The following CCDC88C variants were observed in gnomAD, a reference collection of about 807,000 sequenced individuals.
The protein encoded by CCDC88C is coiled-coil and HOOK domain protein 88C, also known as protein Daple.
In CCDC88C, 131 loss-of-function variants were observed where a neutral mutation model predicts 198.8. The ratio of observed to expected loss-of-function variants is 0.66; its 90% CI spans 0.57 to 0.76. CCDC88C has a LOEUF of 0.76. CCDC88C is among the 30% of genes least tolerant of loss of function. The probability of loss-of-function intolerance (pLI) is 0.00; values close to 1 mark genes in which losing one functional copy is unlikely to be tolerated. For missense variants in CCDC88C, 2,553 were observed against 2,631.6 expected, an observed-to-expected ratio of 0.97 and a Z score of 0.65; for synonymous variants, 1,166 against 1,114.7, an observed-to-expected ratio of 1.05 and a Z score of -0.92.
At position 91,278,253 on chromosome 14, in the gene CCDC88C, G is replaced by C. The variant is rs373748783; in HGVS notation, c.4769-42C>G. On this transcript the variant is annotated intron_variant, in intron 28 of 29. Transcript: ENST00000389857. ...GAGACAGAGGACCCTCATCAGTCTTGGCAGCCCTCTGGTGGCTTCTAGAGG... is the reference window on the plus strand; with the variant it reads ...GAGACAGAGGACCCTCATCAGTCTTCGCAGCCCTCTGGTGGCTTCTAGAGG... The C allele has an allele frequency of 5.6e-4, 860 of 1,543,254 alleles. 12 individuals are homozygous for C. The highest frequency in any genetic ancestry group is 3.1e-5 in the Non-Finnish European group (35 of 1,140,744).
chr14:91,345,185 TA>T (rs1369968903), intron 4 of CCDC88C, among the ~76,000 whole-genome samples: 141 of 70,392 alleles, frequency 2.0e-3, no homozygotes, highest in East Asian at 3.2e-3. Context: ...TATATATATA[TA>T]TATATTTTTT....
At chr14:91,297,100 G>T (rs899758943) in intron 22 of CCDC88C, among the ~76,000 whole-genome samples, 18 of 152,214 alleles carry the variant, frequency 1.2e-4, no homozygotes, top group African/African-American at 4.3e-4. Context: ...GTCAGACAGG[G>T]GTGTTTTCGT....
chr14:91,346,095 G>A (rs567015987), intron 4 of CCDC88C, among the ~76,000 whole-genome samples: 11 of 152,302 alleles, frequency 7.2e-5, no homozygotes, highest in African/African-American at 2.2e-4. Context: ...AAACCAAACC[G>A]CCGTCCTGAG....
intron 4 of CCDC88C, among the ~76,000 whole-genome samples, chr14:91,354,524 GA>G (rs1281195350): frequency 6.6e-6 from 1 of 152,206 alleles, no homozygotes; most frequent in Non-Finnish European, 1.5e-5. Flanking sequence ...GGTTTTCAGG[GA>G]GTCATCTCAG....
At chr14:91,376,971 C>T (rs1359565897) in intron 3 of CCDC88C, among the ~76,000 whole-genome samples, 2 of 152,226 alleles carry the variant, frequency 1.3e-5, no homozygotes, top group African/African-American at 4.8e-5. Context: ...TCCACACCCA[C>T]CCGAGCAAAG....
intron 28 of CCDC88C, 117 bp downstream of exon 28, chr14:91,279,121 A>G (rs1376191128): frequency 1.2e-6 from 1 of 800,888 alleles, no homozygotes; most frequent in Non-Finnish European, 2.1e-6. Flanking sequence ...GCTGGTTTCT[A>G]ACTCCTGGGC....
At chr14:91,385,527 G>A (rs1003372142) in intron 3 of CCDC88C, among the ~76,000 whole-genome samples, 8 of 152,200 alleles carry the variant, frequency 5.3e-5, no homozygotes, top group Non-Finnish European at 1.0e-4. Context: ...GTGCCCACTT[G>A]GCCCACAGAA....
chr14:91,290,930 C>A, intron 24 of CCDC88C, 65 bp downstream of exon 24: 2 of 985,356 alleles, frequency 2.0e-6, no homozygotes, highest in South Asian at 2.8e-5. Context: ...GCTGCTTTCA[C>A]CCTGTGCACA....
chr14:91,290,787 T>C lies in CCDC88C; in HGVS notation c.4202+208A>G, dbSNP rs77176196. 0.016 allele frequency among the ~76,000 whole-genome samples: 2,473 copies of C among 152,276 alleles called. 39 individuals are homozygous for C. The highest frequency in any genetic ancestry group is 0.024 in the Middle Eastern group (7 of 294). On this transcript the variant is annotated intron_variant, in intron 24 of 29. Transcript: ENST00000389857. ...ATAGCTAAATGAAGCCTGTGTCTCA[T>C]TGGGGTCACCAGACATTGGCCACCC...
In CCDC88C at chr14:91,290,928, C is replaced by T. The variant is rs931149888; in HGVS notation, c.4202+67G>A. On this transcript the variant is annotated intron_variant, in intron 24 of 29. Coordinates refer to ENST00000389857, the MANE Select transcript of CCDC88C (RefSeq NM_001080414.4). ...GGGGCCTGCCCTAGATGGCTGCTTT[C>T]ACCCTGTGCACAGAAAAGGAAGCTT... 1.8e-5 allele frequency: 17 copies of T among 969,686 alleles called. No homozygotes were observed. In the African/African-American group the frequency reaches 2.7e-4, roughly 16 times the overall value. 60.1% of individuals were successfully genotyped at this position (969,686 alleles called of 1,614,324 possible).
chr14:91,278,687 G>A (rs1477024314), intron 28 of CCDC88C, among the ~76,000 whole-genome samples: 1 of 152,120 alleles, frequency 6.6e-6, no homozygotes, highest in Admixed American at 6.5e-5. Flanking sequence ...TGAAGTAAAT[G>A]AGACTCGGGA....
chr14:91,342,110 A>G (rs1691126282), intron 6 of CCDC88C: 2 of 361,462 alleles, frequency 5.5e-6, no homozygotes, highest in South Asian at 8.2e-5. Flanking sequence ...GAGTCCATAT[A>G]AGGCAAAAAG....
chr14:91,293,806 A>G, intron 23 of CCDC88C, among the ~76,000 whole-genome samples: 1 of 152,088 alleles, frequency 6.6e-6, no homozygotes, highest in Non-Finnish European at 1.5e-5. Flanking sequence ...ACTTCCCTCC[A>G]TCCAGGGGGA....
chr14:91,372,386 A>C lies in CCDC88C; in HGVS notation c.271-12675T>G, dbSNP rs553717218. ...CCACCAGCAAGTCTGGCACCCTAAC[A>C]GAGGGATGGCAGGCACCTGAGCTGG... On this transcript the variant is annotated intron_variant, in intron 3 of 29. Coordinates refer to ENST00000389857, the MANE Select transcript of CCDC88C (RefSeq NM_001080414.4). Among the ~76,000 whole-genome samples the C allele has an allele frequency of 5.3e-5, 8 of 151,900 alleles. No homozygotes were observed. The South Asian group carries it at 1.5e-3, about 28-fold the overall frequency.
rs370624081 is a variant in CCDC88C at position 91,324,770 on chromosome 14, G to A, written c.1342+9C>T. The A allele has an allele frequency of 2.9e-5, 47 of 1,608,832 alleles. No homozygotes were observed. Among genetic ancestry groups the A allele is most frequent in the East Asian group, 2.9e-4 (13 of 44,878 alleles). Reference sequence around the variant, plus strand: ...CCAGGCTGGCTCCCCGGCACCAGGCGCTACCTACCGTCTGACAAGTCTGCG... The same window carrying A: ...CCAGGCTGGCTCCCCGGCACCAGGCACTACCTACCGTCTGACAAGTCTGCG... On this transcript the variant is annotated intron_variant, in intron 12 of 29. Coordinates refer to ENST00000389857, the MANE Select transcript of CCDC88C (RefSeq NM_001080414.4).
At chr14:91,312,765 CAAAAACCACAACATAATTAAT>C (rs370546335) in intron 15 of CCDC88C, among the ~76,000 whole-genome samples, 1,540 of 152,228 alleles carry the variant, frequency 0.01, 29 homozygotes, top group African/African-American at 0.035. Flanking sequence ...TCTAAAATAA[CAAAAACCACAACATAATTAAT>C]AAAAACCACA....
chr14:91,278,708 G>A (rs1163489871), intron 28 of CCDC88C, among the ~76,000 whole-genome samples: 1 of 152,084 alleles, frequency 6.6e-6, no homozygotes, highest in East Asian at 1.9e-4. Flanking sequence ...CCTGTGACAT[G>A]CCTGCATTCT....
chr14:91,295,433 GTCAGCGGTCTGCAGGGTGAAAGGCCGTC>G (rs1283041093), intron 22 of CCDC88C, among the ~76,000 whole-genome samples: 1 of 152,274 alleles, frequency 6.6e-6, no homozygotes, highest in Admixed American at 6.5e-5. Flanking sequence ...AACGTGGCAA[GTCAGCGGTCTGCAGGGTGAAAGGCCGTC>G]CCTGGAAACT....
At chr14:91,407,091 C>T (rs141847946) in intron 3 of CCDC88C, among the ~76,000 whole-genome samples, 1 of 152,176 alleles carries the variant, frequency 6.6e-6, no homozygotes, top group African/African-American at 2.4e-5. Context: ...CAGCCCCCCC[C>T]ACCCAACAGG....
Sources: allele counts gnomAD v4.1 joint callset (sites outside exome capture counted in the v4.1 genomes callset), GRCh38; gene constraint gnomAD v4.1.1; transcripts MANE v1.5; gene names NCBI Gene and HGNC (gene_info 2026-07-23, HGNC 2026-07-21).